The following URI1 variants were observed in gnomAD, a reference collection of about 807,000 sequenced individuals.
URI1 encodes URI1 prefoldin like chaperone, also known as unconventional prefoldin RPB5 interactor 1.
A neutral mutation model predicts 60.2 loss-of-function variants in URI1; 39 were observed. That is an observed-to-expected ratio of 0.65 (90% CI 0.50 to 0.85). The LOEUF (loss-of-function observed/expected upper bound fraction) is 0.85, where lower values mean the gene tolerates loss of function less well. URI1 is among the 40% of genes least tolerant of loss of function. The probability of loss-of-function intolerance (pLI) is 0.00; values close to 1 mark genes in which losing one functional copy is unlikely to be tolerated. For missense variants in URI1, 691 were observed against 665.9 expected, an observed-to-expected ratio of 1.04 and a Z score of -0.42; for synonymous variants, 251 against 236.8, an observed-to-expected ratio of 1.06 and a Z score of -0.55.
At chr19:29,963,051 C>G (rs2145299117) in intron 1 of URI1, among the ~76,000 whole-genome samples, 1 of 152,230 alleles carries the variant, frequency 6.6e-6, no homozygotes, top group Admixed American at 6.5e-5. Flanking sequence ...TAAAGTTTTC[C>G]CTTTTTCTTT....
At chr19:29,954,292 A>G (rs1026307826) in intron 1 of URI1, among the ~76,000 whole-genome samples, 1 of 152,232 alleles carries the variant, frequency 6.6e-6, no homozygotes, top group Admixed American at 6.5e-5. Flanking sequence ...TACTGATCCC[A>G]AAAGTCACTT....
At chr19:29,936,213 C>T (rs898925058) in intron 1 of URI1, among the ~76,000 whole-genome samples, 1 of 152,174 alleles carries the variant, frequency 6.6e-6, no homozygotes, top group Non-Finnish European at 1.5e-5. Flanking sequence ...AAGCAATTCT[C>T]CAGCCTCAGC....
At chr19:30,011,548 C>A (rs569833314) in intron 9 of URI1, among the ~76,000 whole-genome samples, 1 of 151,124 alleles carries the variant, frequency 6.6e-6, no homozygotes, top group East Asian at 1.9e-4. Context: ...TAGGTCCCTA[C>A]GTTTCTACCA....
At chr19:29,961,103 G>A (rs759615720) in intron 1 of URI1, among the ~76,000 whole-genome samples, 7 of 151,770 alleles carry the variant, frequency 4.6e-5, no homozygotes, top group African/African-American at 7.3e-5. Context: ...TCAAGCGGTC[G>A]TCCTGCCTTG....
chr19:30,006,727 T>C (rs1194070394), intron 6 of URI1, among the ~76,000 whole-genome samples: 1 of 152,130 alleles, frequency 6.6e-6, no homozygotes, highest in Admixed American at 6.6e-5. Flanking sequence ...GGACGCATCT[T>C]AGACTTCTTC....
At position 29,946,472 on chromosome 19, in the gene URI1, G is replaced by A. The variant is rs923229963; in HGVS notation, c.117+3808G>A. ...TTTAAAAAGTGGTGGATCCAGTATC[G>A]TTTTTATAGGCTTATTTGCAGGATA... On this transcript the variant is annotated intron_variant, in intron 1 of 10. Coordinates refer to ENST00000392271, the MANE Select transcript of URI1 (RefSeq NM_003796.3). 3.9e-5 allele frequency among the ~76,000 whole-genome samples: 6 copies of A among 152,046 alleles called. No individual in the cohort carries two copies. The East Asian group carries it at 5.8e-4, about 15-fold the overall frequency.
rs1021275812 is a variant in URI1 at position 29,950,268 on chromosome 19, A to T, written c.117+7604A>T. Among the ~76,000 whole-genome samples the T allele has an allele frequency of 3.9e-5, 6 of 152,268 alleles. 1 individual carries two copies. In the South Asian group the frequency reaches 1.2e-3, roughly 32 times the overall value. Reference sequence around the variant, plus strand: ...GTAATGGTCCCAAAACACTGGGGGGAAAGGGGGAAGAAGGTGCGTGGAATC... The same window carrying T: ...GTAATGGTCCCAAAACACTGGGGGGTAAGGGGGAAGAAGGTGCGTGGAATC... On this transcript the variant is annotated intron_variant, in intron 1 of 10. Coordinates refer to ENST00000392271, the MANE Select transcript of URI1 (RefSeq NM_003796.3).
chr19:29,951,851 G>A (rs561043133), intron 1 of URI1, among the ~76,000 whole-genome samples: 46 of 152,258 alleles, frequency 3.0e-4, no homozygotes, highest in African/African-American at 9.9e-4. Flanking sequence ...CCTGGCTTGT[G>A]CATTCTTTTT....
intron 1 of URI1, chr19:29,956,935 A>G (rs2055256136): frequency 9.6e-7 from 1 of 1,039,384 alleles, no homozygotes; most frequent in East Asian, 2.4e-5. Flanking sequence ...CCTTCAGAGT[A>G]ACGTTGACAT....
At chr19:29,969,489 A>G (rs1468560647) in intron 1 of URI1, among the ~76,000 whole-genome samples, 1 of 152,244 alleles carries the variant, frequency 6.6e-6, no homozygotes, top group Non-Finnish European at 1.5e-5. Context: ...TAATGGATAT[A>G]GCTTAGAAGA....
chr19:29,986,231 C>A, intron 3 of URI1, 51 bp from the exon 4 acceptor site: 2 of 1,475,706 alleles, frequency 1.4e-6, no homozygotes, highest in South Asian at 1.4e-5. Flanking sequence ...ATAAAATGTA[C>A]TTTTCAGTGT....
At chr19:29,983,970 T>C (rs1397279576) in intron 2 of URI1, among the ~76,000 whole-genome samples, 1 of 152,200 alleles carries the variant, frequency 6.6e-6, no homozygotes, top group Non-Finnish European at 1.5e-5. Context: ...TACCCCCAGT[T>C]GATTCTCTCT....
At chr19:29,986,238 G>A (rs780714063) in intron 3 of URI1, 44 bp from the exon 4 acceptor site, 1 of 1,503,534 alleles carries the variant, frequency 6.7e-7, no homozygotes, top group Non-Finnish European at 8.8e-7. Context: ...GTACTTTTCA[G>A]TGTTTTATGT....
At chr19:29,935,737 T>C (rs1002705713) in intron 1 of URI1, among the ~76,000 whole-genome samples, 4 of 147,122 alleles carry the variant, frequency 2.7e-5, no homozygotes, top group African/African-American at 1.0e-4. Flanking sequence ...AACTGTGTTA[T>C]TCCACTGCCT....
intron 4 of URI1, among the ~76,000 whole-genome samples, chr19:30,001,338 C>T (rs2055876011): frequency 6.6e-6 from 1 of 151,774 alleles, no homozygotes. Flanking sequence ...ATTGAGCAAT[C>T]TTTAAGTATC....
chr19:29,968,565 CTTTTTTTTT>C lies in URI1; in HGVS notation c.118-2612_118-2604del, dbSNP rs35475321. The stretch of plus-strand genomic sequence containing the variant: ...AGTTGTAGAAATTTACTAATTTTTT[CTTTTTTTTT>C]TTTTTTTTTTTTTTTGAGATGGAGT... On this transcript the variant is annotated intron_variant, in intron 1 of 10. Transcript: ENST00000392271. 9.7e-3 allele frequency among the ~76,000 whole-genome samples: 721 copies of C among 74,470 alleles called. 5 individuals carry two copies. The highest frequency in any genetic ancestry group is 0.036 in the Middle Eastern group (3 of 84). 48.9% of individuals were successfully genotyped at this position (74,470 alleles called of 152,430 possible). A position where few individuals can be genotyped will look rare whatever the true frequency, so the allele number is the denominator to read the frequency against.
At chr19:29,944,858 A>G (rs2055083741) in intron 1 of URI1, among the ~76,000 whole-genome samples, 1 of 152,224 alleles carries the variant, frequency 6.6e-6, no homozygotes. Flanking sequence ...GCTGCACTGT[A>G]ATTATAGTGT....
chr19:29,955,739 C>T (rs1276740840), intron 1 of URI1, among the ~76,000 whole-genome samples: 1 of 151,108 alleles, frequency 6.6e-6, no homozygotes, highest in Non-Finnish European at 1.5e-5. Context: ...AACAGGCACC[C>T]ACCACCGTGC....
At chr19:29,994,057 G>T (rs2055780196) in intron 4 of URI1, among the ~76,000 whole-genome samples, 1 of 145,544 alleles carries the variant, frequency 6.9e-6, no homozygotes, top group Non-Finnish European at 1.5e-5. Context: ...AATAACCTCT[G>T]TGTGTATGTG....
Sources: gnomAD v4.1 joint callset for allele counts (sites outside exome capture counted in the v4.1 genomes callset) on GRCh38, gnomAD v4.1.1 for gene constraint, MANE v1.5 for transcripts, NCBI Gene and HGNC (gene_info 2026-07-23, HGNC 2026-07-21) for gene names.